RPP14: variants seen among roughly 807,000 people sequenced by gnomAD.
RPP14 encodes the protein ribonuclease P/MRP subunit p14.
Under a neutral mutation model 17.8 loss-of-function variants are expected in RPP14, and 19 were observed. The ratio of observed to expected loss-of-function variants is 1.07; its 90% confidence interval spans 0.74 to 1.57. The LOEUF (loss-of-function observed/expected upper bound fraction) is 1.57. Among genes scored for constraint, RPP14 ranks in the 40% most tolerant of loss-of-function variants. The probability of loss-of-function intolerance (pLI) is 0.00; values close to 1 mark genes in which losing one functional copy is unlikely to be tolerated. For missense variants in RPP14, 125 were observed against 140.8 expected (o/e 0.89, Z 0.57); for synonymous variants, 60 against 56.4 (o/e 1.06, Z -0.29).
In RPP14 at chr3:58,310,499, T is replaced by C; in HGVS notation, c.78-8T>C. 1 of 1,607,484 alleles carries C rather than the reference T, an allele frequency of 6.2e-7. No homozygotes were observed. The highest frequency in any genetic ancestry group is 8.5e-7 in the Non-Finnish European group (1 of 1,177,904). On this transcript the variant is annotated splice_polypyrimidine_tract_variant and splice_region_variant and intron_variant, in intron 2 of 5. Transcript: ENST00000295959. ...TAATATGACTTTTTTTTTTTTCACT[T>C]TTTTTAGAGAATTTCAAGATTGTGG...
Position 58,318,417 on chromosome 3 carries a change from G to T in RPP14, c.*921G>T. The T allele has an allele frequency of 4.8e-6, 1 of 207,444 alleles. No individual in the cohort carries two copies. The highest frequency in any genetic ancestry group is 9.5e-6 in the Non-Finnish European group (1 of 104,870). The allele number at this position is 207,444 out of a possible 1,614,324, so 12.9% of individuals were successfully genotyped here. ...TCATGCCTGTAATCCTGGCACTTTG[G>T]GAGGCTGCGGCAGGCGGATCACTTG... is the stretch of plus-strand genomic sequence containing the variant. On this transcript the variant is annotated 3_prime_UTR_variant, in exon 6 of 6. Coordinates refer to ENST00000295959, the MANE Select transcript of RPP14 (RefSeq NM_007042.6).
intron 1 of RPP14, 105 bp downstream of exon 1, chr3:58,306,522 C>T (rs2097474748): frequency 6.6e-6 from 1 of 152,182 alleles, no homozygotes; most frequent in African/African-American, 2.4e-5. Flanking sequence ...GGTAGCTTGT[C>T]CTCTCCGACC....
intron 3 of RPP14, among the ~76,000 whole-genome samples, chr3:58,313,021 T>C (rs985363156): frequency 1.3e-5 from 2 of 149,836 alleles, no homozygotes; most frequent in Admixed American, 1.3e-4. Flanking sequence ...CCTAGCACTT[T>C]GGGAGGCCAA....
intron 1 of RPP14, among the ~76,000 whole-genome samples, chr3:58,307,240 C>G (rs55736628): frequency 0.045 from 6,924 of 152,188 alleles, 559 homozygotes; most frequent in African/African-American, 0.16. Flanking sequence ...GCAGGCTGCT[C>G]TAAGGACTTT....
chr3:58,310,511 T>G lies in RPP14; in HGVS notation c.82T>G (p.Phe28Val), dbSNP rs747442471. The G allele has an allele frequency of 1.2e-6, 2 of 1,608,942 alleles. No individual in the cohort carries two copies. The highest frequency in any genetic ancestry group is 4.5e-5 in the East Asian group (2 of 44,866). The change falls in exon 3 of 6, where the codon TTT becomes GTT. Residue 28 changes from phenylalanine to valine, a missense_variant. Transcript: ENST00000295959. ...EYHYMKVCLEFQDCGVGLNAA... is the reference protein window; with the variant it reads ...EYHYMKVCLEVQDCGVGLNAA... ...TTTTTTTTTCACTTTTTTTAGAGAA[T>G]TTCAAGATTGTGGAGTTGGACTGAA... is the stretch of plus-strand genomic sequence containing the variant.
At chr3:58,309,059 A>G (rs2097479027) in intron 1 of RPP14, among the ~76,000 whole-genome samples, 1 of 152,202 alleles carries the variant, frequency 6.6e-6, no homozygotes, top group Non-Finnish European at 1.5e-5. Flanking sequence ...GTTTAAGCTC[A>G]GTTGTTCACA....
At position 58,316,591 on chromosome 3, in the gene RPP14, G is replaced by C; in HGVS notation, c.239G>C (p.Ser80Thr). The C allele has an allele frequency of 6.2e-7, 1 of 1,613,048 alleles. No homozygotes were observed. The highest frequency in any genetic ancestry group is 2.2e-5 in the East Asian group (1 of 44,872). ...TCAGCCATCTTGAGAATATGTAGCA[G>C]GTATGACAGAGAGTGGGAAATTTCT... Reference protein sequence around the residue: ...TLSAILRICSSGLVKLWSSLT... With the variant: ...TLSAILRICSTGLVKLWSSLT... The change falls in exon 4 of 6, where the codon AGT (serine) becomes ACT (threonine). Residue 80 changes from serine to threonine, a missense_variant and splice_region_variant. By Grantham distance (58) the Ser-to-Thr change is moderately conservative. Transcript: ENST00000295959.
At chr3:58,314,495 T>G (rs1167257408) in intron 3 of RPP14, among the ~76,000 whole-genome samples, 1 of 152,150 alleles carries the variant, frequency 6.6e-6, no homozygotes, top group Non-Finnish European at 1.5e-5. Flanking sequence ...ATGTTTAACA[T>G]TAGCCATTAG....
At position 58,310,520 on chromosome 3, in the gene RPP14, T is replaced by C. The variant is rs147980351; in HGVS notation, c.91T>C (p.Cys31Arg). Residue 31 changes from cysteine (C) to arginine (R), a missense_variant, in exon 3 of 6, where the codon TGT becomes CGT. Coordinates refer to ENST00000295959, the MANE Select transcript of RPP14 (RefSeq NM_007042.6). The part of the protein sequence containing the change: ...YMKVCLEFQD[C>R]GVGLNAAQFK... Reference sequence around the variant, plus strand: ...CACTTTTTTTAGAGAATTTCAAGATTGTGGAGTTGGACTGAATGCTGCACA... The same window carrying C: ...CACTTTTTTTAGAGAATTTCAAGATCGTGGAGTTGGACTGAATGCTGCACA... 8 of 1,610,776 alleles carry C rather than the reference T, an allele frequency of 5.0e-6. No homozygotes were observed. The highest frequency in any genetic ancestry group is 6.8e-6 in the Non-Finnish European group (8 of 1,179,156).
At chr3:58,307,401 T>G (rs1170756466) in intron 1 of RPP14, among the ~76,000 whole-genome samples, 1 of 152,086 alleles carries the variant, frequency 6.6e-6, no homozygotes, top group Non-Finnish European at 1.5e-5. Context: ...TAGGTCAGAT[T>G]AGGAGCATCC....
chr3:58,314,675 A>ATTTTTTTTTTTTTTTTTTTTTTTTT (rs751757663), intron 3 of RPP14, among the ~76,000 whole-genome samples: 11 of 90,560 alleles, frequency 1.2e-4, no homozygotes, highest in Non-Finnish European at 1.6e-4. Flanking sequence ...GTTTGGCAGT[A>ATTTTTTTTTTTTTTTTTTTTTTTTT]TTTTTTTTTT....
In RPP14 at chr3:58,310,338, C is replaced by G. The variant is rs759220800; in HGVS notation, c.9C>G (p.Ala3=). The G allele has an allele frequency of 3.7e-6, 6 of 1,613,988 alleles. No homozygotes were observed. The highest frequency in any genetic ancestry group is 5.1e-6 in the Non-Finnish European group (6 of 1,179,978). Residue 3 remains alanine (A), a synonymous_variant, in exon 2 of 6, where the codon GCC becomes GCG. Transcript: ENST00000295959. MP[A]PAATYERVVY... is the part of the protein sequence containing the mutation. ...GATCAGCACTGGAAAAGATGCCTGC[C>G]CCTGCTGCCACATATGAAAGAGTAG...
Position 58,320,028 on chromosome 3 carries a change from A to G in RPP14, c.*2532A>G, listed in dbSNP as rs1182486336. 3.9e-5 allele frequency: 6 copies of G among 152,062 alleles called. No homozygotes were observed. The highest frequency in any genetic ancestry group is 7.2e-5 in the African/African-American group (3 of 41,390). 9.4% of individuals were successfully genotyped at this position (152,062 alleles called of 1,614,324 possible). On this transcript the variant is annotated 3_prime_UTR_variant, in exon 6 of 6. Transcript: ENST00000295959. The stretch of plus-strand genomic sequence containing the variant: ...AATCACCAGTCTACTTTCTGTCTCT[A>G]TGGGTTTCCCTGTTCTGGACATTTC...
chr3:58,309,926 C>G (rs35580931), intron 1 of RPP14: 2 of 170,754 alleles, frequency 1.2e-5, no homozygotes, highest in South Asian at 1.4e-4. Context: ...AAGGCCGGGC[C>G]TGGTGGCTCA....
intron 3 of RPP14, among the ~76,000 whole-genome samples, chr3:58,311,312 G>A (rs990553723): frequency 6.6e-6 from 1 of 152,120 alleles, no homozygotes; most frequent in Non-Finnish European, 1.5e-5. Flanking sequence ...ACGCTACCAT[G>A]CCCAACTAAT....
intron 3 of RPP14, 113 bp downstream of exon 3, chr3:58,310,704 G>A: frequency 1.2e-6 from 1 of 800,202 alleles, no homozygotes; most frequent in South Asian, 1.7e-5. Context: ...GGCCGAGGTG[G>A]GCAGATCATG....
intron 1 of RPP14, 64 bp from the exon 2 acceptor site, chr3:58,310,245 C>A: frequency 1.5e-6 from 2 of 1,332,658 alleles, no homozygotes; most frequent in Non-Finnish European, 2.1e-6. Context: ...AGGCCAAATT[C>A]TCATCAAAAC....
chr3:58,310,427 T>C (rs1460464255), intron 2 of RPP14, 21 bp downstream of exon 2: 2 of 1,612,614 alleles, frequency 1.2e-6, no homozygotes, highest in Non-Finnish European at 1.7e-6. Flanking sequence ...TTTCCTAAGT[T>C]CTATTTTAGA....
chr3:58,316,096 T>G (rs191975001), intron 3 of RPP14, among the ~76,000 whole-genome samples: 2 of 152,348 alleles, frequency 1.3e-5, no homozygotes, highest in East Asian at 3.9e-4. Context: ...TTCCTGGGGT[T>G]TATATAGCTG....
Sources: gnomAD v4.1 joint callset for allele counts (sites outside exome capture counted in the v4.1 genomes callset) on GRCh38, gnomAD v4.1.1 for gene constraint, MANE v1.5 for transcripts, NCBI Gene and HGNC (gene_info 2026-07-23, HGNC 2026-07-21) for gene names.